Variants in FBXL17 observed in about 807,000 individuals in gnomAD.
FBXL17 encodes the protein F-box and leucine rich repeat protein 17.
A neutral mutation model predicts 66.2 loss-of-function variants in FBXL17; 22 were observed. The observed-to-expected ratio is 0.33, with a 90% CI of 0.24 to 0.47. The LOEUF (loss-of-function observed/expected upper bound fraction) is 0.47. Ranked by LOEUF, FBXL17 falls within the 20% of genes least tolerant of loss-of-function variation. The pLI, the probability that FBXL17 is intolerant of heterozygous loss-of-function variation, is 1.00. For synonymous variants in FBXL17, 474 were observed against 400.5 expected, an observed-to-expected ratio of 1.18 and a Z score of -2.19; for missense variants, 878 against 948.2, an observed-to-expected ratio of 0.93 and a Z score of 0.97.
intron 7 of FBXL17, among the ~76,000 whole-genome samples, chr5:107,999,164 T>C (rs1052703538): frequency 1.5e-4 from 23 of 152,308 alleles, no homozygotes; most frequent in African/African-American, 5.3e-4. Flanking sequence ...TATATAGGTC[T>C]ATTGCACCCC....
At chr5:108,326,162 C>T (rs955196891) in intron 4 of FBXL17, among the ~76,000 whole-genome samples, 4 of 152,066 alleles carry the variant, frequency 2.6e-5, no homozygotes, top group African/African-American at 9.7e-5. Context: ...ACCTTGCTCT[C>T]TTCAAAAGAC....
chr5:108,297,928 T>C, intron 4 of FBXL17: 1 of 969,576 alleles, frequency 1.0e-6, no homozygotes, highest in Non-Finnish European at 1.2e-6. Flanking sequence ...TCTTCAAAAA[T>C]TTACAGTTTA....
At chr5:108,145,019 T>C (rs1751501892) in intron 6 of FBXL17, among the ~76,000 whole-genome samples, 5 of 152,152 alleles carry the variant, frequency 3.3e-5, no homozygotes, top group Admixed American at 3.3e-4. Flanking sequence ...AATCAAAACC[T>C]GCTAGAACCA....
chr5:108,135,930 T>G (rs575244664), intron 6 of FBXL17, among the ~76,000 whole-genome samples: 1 of 152,106 alleles, frequency 6.6e-6, no homozygotes, highest in Non-Finnish European at 1.5e-5. Flanking sequence ...TATCCAGACG[T>G]CAAGGCCTCC....
chr5:108,192,271 T>C (rs1322369607), intron 5 of FBXL17, among the ~76,000 whole-genome samples: 1 of 152,188 alleles, frequency 6.6e-6, no homozygotes, highest in Non-Finnish European at 1.5e-5. Context: ...TAGTTGTGAG[T>C]TTTAAAAATC....
chr5:108,151,664 T>A (rs1751776751), intron 6 of FBXL17, among the ~76,000 whole-genome samples: 1 of 152,176 alleles, frequency 6.6e-6, no homozygotes, highest in Non-Finnish European at 1.5e-5. Context: ...TAGGCTCAAA[T>A]GTTACCCATA....
intron 6 of FBXL17, among the ~76,000 whole-genome samples, chr5:108,076,004 T>A (rs944760245): frequency 6.6e-6 from 1 of 152,208 alleles, no homozygotes; most frequent in Non-Finnish European, 1.5e-5. Flanking sequence ...ATTGTAGTAA[T>A]CTTTGGTAAA....
intron 6 of FBXL17, among the ~76,000 whole-genome samples, chr5:108,081,501 CA>C (rs1035705095): frequency 1.2e-4 from 18 of 151,990 alleles, no homozygotes; most frequent in Non-Finnish European, 1.9e-4. Flanking sequence ...GAGAGCGGAT[CA>C]CGAGGTCAGG....
intron 4 of FBXL17, among the ~76,000 whole-genome samples, chr5:108,271,316 T>C (rs931986218): frequency 1.3e-5 from 2 of 152,106 alleles, no homozygotes; most frequent in African/African-American, 4.8e-5. Context: ...CAGCTTCTTA[T>C]CCTCCCCCAA....
At chr5:108,273,693 C>T (rs925280421) in intron 4 of FBXL17, among the ~76,000 whole-genome samples, 6 of 151,824 alleles carry the variant, frequency 4.0e-5, no homozygotes, top group African/African-American at 1.5e-4. Flanking sequence ...CTAAGAGCAT[C>T]AGAGAAAGAA....
chr5:108,304,567 C>A (rs1314416068), intron 4 of FBXL17, among the ~76,000 whole-genome samples: 1 of 151,758 alleles, frequency 6.6e-6, no homozygotes, highest in Non-Finnish European at 1.5e-5. Flanking sequence ...AAAATAAATA[C>A]ACCTATTTGC....
chr5:108,366,859 T>C (rs1375384456), intron 2 of FBXL17, among the ~76,000 whole-genome samples: 1 of 152,116 alleles, frequency 6.6e-6, no homozygotes, highest in Non-Finnish European at 1.5e-5. Context: ...CTTAACTTGG[T>C]TAAAGTGTGT....
In FBXL17 at chr5:108,126,542, A is replaced by G. The variant is rs1028166733; in HGVS notation, c.1745+59575T>C. ...GAAATTGACAGTTTATATTTTTACC[A>G]TCAGGCATAGGTTATTTTATATATG... On this transcript the variant is annotated intron_variant, in intron 6 of 8. Transcript: ENST00000542267. Among the ~76,000 whole-genome samples the G allele has an allele frequency of 1.3e-4, 19 of 151,848 alleles. No individual in the cohort carries two copies. The Middle Eastern group carries it at 0.027, about 219-fold the overall frequency.
intron 5 of FBXL17, among the ~76,000 whole-genome samples, chr5:108,193,966 G>T (rs1015089511): frequency 6.6e-6 from 1 of 151,312 alleles, no homozygotes; most frequent in Admixed American, 6.6e-5. Flanking sequence ...TTTACGGCCC[G>T]CTTCTCCTCA....
intron 7 of FBXL17, among the ~76,000 whole-genome samples, chr5:107,977,346 T>C (rs1389158796): frequency 2.0e-5 from 3 of 152,230 alleles, no homozygotes; most frequent in African/African-American, 7.2e-5. Context: ...CGTAATTTAA[T>C]GAGTGCCCTA....
At chr5:108,084,485 T>C (rs1223190192) in intron 6 of FBXL17, among the ~76,000 whole-genome samples, 1 of 152,174 alleles carries the variant, frequency 6.6e-6, no homozygotes, top group African/African-American at 2.4e-5. Context: ...AACTCAGAGA[T>C]AATAAGCCTG....
intron 7 of FBXL17, among the ~76,000 whole-genome samples, chr5:107,944,105 A>G (rs1267528849): frequency 6.6e-6 from 1 of 152,216 alleles, no homozygotes; most frequent in Non-Finnish European, 1.5e-5. Flanking sequence ...TGTCATCACC[A>G]TGTAAGCCTT....
chr5:108,055,485 TGTAGTCCCA>T (rs1747667058), intron 6 of FBXL17, among the ~76,000 whole-genome samples: 1 of 149,950 alleles, frequency 6.7e-6, no homozygotes. Context: ...GGTGGGCGCC[TGTAGTCCCA>T]GCTACTCGAG....
At chr5:107,870,450 G>T (rs1471574311) in intron 8 of FBXL17, among the ~76,000 whole-genome samples, 1 of 152,080 alleles carries the variant, frequency 6.6e-6, no homozygotes, top group African/African-American at 2.4e-5. Flanking sequence ...CAAAGCCAAA[G>T]GTGGCTTCCA....
Sources: gnomAD v4.1 joint callset for allele counts (sites outside exome capture counted in the v4.1 genomes callset) on GRCh38, gnomAD v4.1.1 for gene constraint, MANE v1.5 for transcripts, NCBI Gene and HGNC (gene_info 2026-07-23, HGNC 2026-07-21) for gene names.